KIF20B: variants seen among roughly 807,000 people sequenced by gnomAD.
KIF20B encodes the protein kinesin family member 20B.
KIF20B carries 188 observed loss-of-function variants against 232.5 expected under a neutral mutation model. The ratio of observed to expected loss-of-function variants is 0.81; its 90% CI spans 0.72 to 0.91. The LOEUF (loss-of-function observed/expected upper bound fraction) is 0.91, where lower values mean the gene tolerates loss of function less well. KIF20B is among the 40% of genes least tolerant of loss of function. KIF20B has a pLI of 0.00. For synonymous variants in KIF20B, 712 were observed against 683.0 expected (o/e 1.04, Z -0.66); for missense variants, 2,154 against 2,055.9 (o/e 1.05, Z -0.92).
At chr10:89,763,953 A>G (rs553310020) in intron 29 of KIF20B, among the ~76,000 whole-genome samples, 53 of 151,260 alleles carry the variant, frequency 3.5e-4, no homozygotes, top group African/African-American at 1.2e-3. Flanking sequence ...TGTGCAGTTT[A>G]GTTACATATG....
At chr10:89,722,509 A>G (rs572200292) in intron 13 of KIF20B, among the ~76,000 whole-genome samples, 68 of 152,222 alleles carry the variant, frequency 4.5e-4, no homozygotes, top group Non-Finnish European at 8.5e-4. Context: ...CTCTACTAAA[A>G]ATACAAAAAA....
chr10:89,723,849 G>A (rs1296579989), intron 13 of KIF20B, 115 bp from the exon 14 acceptor site: 5 of 862,166 alleles, frequency 5.8e-6, no homozygotes, highest in Non-Finnish European at 7.9e-6. Context: ...CTATTAAAAA[G>A]GACACAGAAT....
chr10:89,728,467 A>G (rs10881641), intron 17 of KIF20B, among the ~76,000 whole-genome samples: 9,048 of 152,224 alleles, frequency 0.059, 588 homozygotes, highest in South Asian at 0.17. Flanking sequence ...TGTTAGAGCA[A>G]CTTTATGATG....
intron 32 of KIF20B, 126 bp downstream of exon 32, chr10:89,772,957 C>G: frequency 1.4e-6 from 1 of 704,910 alleles, no homozygotes; most frequent in Non-Finnish European, 2.2e-6. Flanking sequence ...TGCTTTTAGT[C>G]TCACATGTGT....
At position 89,719,716 on chromosome 10, in the gene KIF20B, A is replaced by C. The variant is rs1321331375; in HGVS notation, c.1722+10A>C. ...CCACGAGGAGAAAAGAGTATGTATTAAGAACTCATACTTCTATGCTTGTCT... is the reference window on the plus strand; with the variant it reads ...CCACGAGGAGAAAAGAGTATGTATTCAGAACTCATACTTCTATGCTTGTCT... On this transcript the variant is annotated intron_variant, in intron 13 of 32. Transcript: ENST00000371728. The C allele has an allele frequency of 6.4e-7, 1 of 1,566,632 alleles. No individual in the cohort carries two copies. The highest frequency in any genetic ancestry group is 8.7e-7 in the Non-Finnish European group (1 of 1,154,130).
intron 17 of KIF20B, among the ~76,000 whole-genome samples, chr10:89,728,311 T>A (rs968945347): frequency 6.6e-6 from 1 of 152,112 alleles, no homozygotes; most frequent in Non-Finnish European, 1.5e-5. Flanking sequence ...AAATAAAAAA[T>A]TTCCCATAAT....
intron 11 of KIF20B, 113 bp from the exon 12 acceptor site, chr10:89,718,597 A>G (rs1303910999): frequency 5.1e-6 from 4 of 781,156 alleles, no homozygotes; most frequent in South Asian, 4.8e-5. Flanking sequence ...TCACTACCCT[A>G]AAGTTTAATT....
chr10:89,733,204 T>C (rs1018829529), intron 19 of KIF20B, 148 bp downstream of exon 19: 6 of 746,802 alleles, frequency 8.0e-6, no homozygotes, highest in African/African-American at 1.8e-5. Context: ...TGGAAAGTTA[T>C]ACATTTTCTA....
chr10:89,738,430 C>G lies in KIF20B; in HGVS notation c.3589C>G (p.Leu1197Val). ...GGAAAAGGAATCTATCATCTTAAAG[C>G]TAGAAAGAAATTTGAAGGAATTTCA... ...ILEKESIILK[L>V]ERNLKEFQEH... Residue 1197 changes from leucine (L) to valine (V), a missense_variant, in exon 20 of 33, where the codon CTA becomes GTA. Leu to Val is a conservative substitution (Grantham distance 32). Transcript: ENST00000371728. 1 of 1,602,898 alleles carries G rather than the reference C, an allele frequency of 6.2e-7. No homozygotes were observed. Among genetic ancestry groups the G allele is most frequent in the Non-Finnish European group, 8.5e-7 (1 of 1,177,152 alleles).
In KIF20B at chr10:89,758,781, G is replaced by T; in HGVS notation, c.4579G>T (p.Ala1527Ser). ...KWREERDQLV[A>S]ALEIQLKALI... ...GCGAGAAGAACGAGATCAACTGGTT[G>T]CAGCTTTAGAAATACAGCTAAAAGC... Residue 1527 changes from alanine (A) to serine (S), a missense_variant, in exon 27 of 33, where the codon GCA becomes TCA. Transcript: ENST00000371728. The T allele has an allele frequency of 6.2e-7, 1 of 1,608,384 alleles. No homozygotes were observed.
intron 1 of KIF20B, among the ~76,000 whole-genome samples, chr10:89,703,633 C>G (rs1021531636): frequency 2.0e-5 from 3 of 152,078 alleles, no homozygotes; most frequent in African/African-American, 7.2e-5. Flanking sequence ...ATGTTGGGTG[C>G]AGTTTCATGG....
At chr10:89,757,054 A>G (rs1259261716) in intron 26 of KIF20B, among the ~76,000 whole-genome samples, 23 of 124,486 alleles carry the variant, frequency 1.8e-4, no homozygotes, top group Admixed American at 5.4e-4. Context: ...ATATATATAT[A>G]TATATATATA....
At chr10:89,705,231 A>G (rs1192720251) in intron 1 of KIF20B, 63 bp from the exon 2 acceptor site, 1 of 1,439,900 alleles carries the variant, frequency 6.9e-7, no homozygotes, top group East Asian at 2.3e-5. Flanking sequence ...GACTTTTGAA[A>G]GTGTGGGTGG....
chr10:89,753,908 G>T (rs1426189545), intron 25 of KIF20B, among the ~76,000 whole-genome samples: 2 of 152,008 alleles, frequency 1.3e-5, no homozygotes, highest in East Asian at 3.8e-4. Flanking sequence ...GTGAGCCACC[G>T]CACCCAGCCT....
intron 17 of KIF20B, among the ~76,000 whole-genome samples, chr10:89,728,666 C>A (rs146823759): frequency 6.6e-6 from 1 of 152,114 alleles, no homozygotes; most frequent in Non-Finnish European, 1.5e-5. Flanking sequence ...CCACCCCCGG[C>A]TGATTTTTGT....
At chr10:89,760,774 G>A (rs1406885412) in intron 28 of KIF20B, 138 bp downstream of exon 28, 1 of 538,974 alleles carries the variant, frequency 1.9e-6, no homozygotes, top group East Asian at 3.1e-5. Flanking sequence ...AGAAACTAGA[G>A]GCTTTTGAGG....
intron 18 of KIF20B, among the ~76,000 whole-genome samples, chr10:89,729,864 C>T (rs1194338198): frequency 1.3e-5 from 2 of 151,976 alleles, no homozygotes; most frequent in African/African-American, 2.4e-5. Flanking sequence ...GGGGTAAGCT[C>T]CTTCAAATTA....
intron 21 of KIF20B, among the ~76,000 whole-genome samples, chr10:89,740,428 C>T (rs1164208386): frequency 6.6e-6 from 1 of 152,084 alleles, no homozygotes; most frequent in Non-Finnish European, 1.5e-5. Flanking sequence ...CCTCAGTGTG[C>T]TCACCAAGTG....
intron 23 of KIF20B, among the ~76,000 whole-genome samples, chr10:89,749,396 A>T (rs574057133): frequency 4.6e-5 from 7 of 152,262 alleles, no homozygotes; most frequent in African/African-American, 1.4e-4. Flanking sequence ...GTAACATAAA[A>T]TTTACCTTTT....
Sources: allele counts gnomAD v4.1 joint callset (sites outside exome capture counted in the v4.1 genomes callset), GRCh38; gene constraint gnomAD v4.1.1; transcripts MANE v1.5; gene names NCBI Gene and HGNC (gene_info 2026-07-23, HGNC 2026-07-21).